Variants in BPIFB4 observed in about 807,000 individuals in gnomAD.
BPIFB4 encodes BPI fold containing family B member 4.
In BPIFB4, 62 loss-of-function variants were observed where a neutral mutation model predicts 69.2. The ratio of observed to expected loss-of-function variants is 0.90; its 90% CI spans 0.73 to 1.11. The LOEUF (loss-of-function observed/expected upper bound fraction) is 1.11. Ranked by LOEUF, BPIFB4 falls within the 50% of genes least tolerant of loss-of-function variation. The probability of loss-of-function intolerance (pLI) is 0.00; values close to 1 mark genes in which losing one functional copy is unlikely to be tolerated. For synonymous variants in BPIFB4, 330 were observed against 332.7 expected (o/e 0.99, Z 0.09); for missense variants, 789 against 792.0 (o/e 1.00, Z 0.04).
At chr20:33,088,773 A>C (rs1370141313) in intron 7 of BPIFB4, among the ~76,000 whole-genome samples, 193 bp from the exon 8 acceptor site, 1 of 152,238 alleles carries the variant, frequency 6.6e-6, no homozygotes, top group African/African-American at 2.4e-5. Flanking sequence ...ATGAAAAGCC[A>C]AACAATTTGC....
chr20:33,093,908 A>G (rs1479443099), intron 11 of BPIFB4, among the ~76,000 whole-genome samples: 2 of 152,090 alleles, frequency 1.3e-5, no homozygotes, highest in Admixed American at 6.6e-5. Context: ...CCACTCACCC[A>G]TTATCAATCT....
chr20:33,099,982 A>C (rs920709951), intron 13 of BPIFB4, among the ~76,000 whole-genome samples: 1 of 152,134 alleles, frequency 6.6e-6, no homozygotes, highest in Non-Finnish European at 1.5e-5. Flanking sequence ...GGGATGGGAC[A>C]GTTATGATTG....
chr20:33,086,262 G>A (rs758819681), intron 7 of BPIFB4, 98 bp downstream of exon 7: 20 of 1,460,872 alleles, frequency 1.4e-5, no homozygotes, highest in South Asian at 2.5e-5. Flanking sequence ...AGGCTCTGGG[G>A]TGGGCAGGAC....
At position 33,104,886 on chromosome 20, in the gene BPIFB4, G is replaced by A; in HGVS notation, c.1744+13G>A. ...CCCGCAATGAACGGTGAGAGCGGGT[G>A]CCTGTGCCTCTCTGGGAGCTTGTGG... On this transcript the variant is annotated intron_variant, in intron 16 of 17. Coordinates refer to ENST00000375483, the MANE Select transcript of BPIFB4 (RefSeq NM_182519.3). 5 of 1,613,640 alleles carry A rather than the reference G, an allele frequency of 3.1e-6. No homozygotes were observed. The highest frequency in any genetic ancestry group is 3.4e-6 in the Non-Finnish European group (4 of 1,179,610).
chr20:33,091,625 A>T (rs897279401), intron 10 of BPIFB4, among the ~76,000 whole-genome samples: 1 of 152,268 alleles, frequency 6.6e-6, no homozygotes, highest in African/African-American at 2.4e-5. Flanking sequence ...CACCTAATAT[A>T]TTCATAAACA....
chr20:33,086,802 C>T (rs980183799), intron 7 of BPIFB4, among the ~76,000 whole-genome samples: 2 of 152,178 alleles, frequency 1.3e-5, no homozygotes, highest in East Asian at 1.9e-4. Context: ...CATCCTCTGG[C>T]GAAGTGGTGT....
Position 33,081,529 on chromosome 20 carries a change from GTGGATGGCC to G in BPIFB4, c.7_15del (p.Met3_Trp5del). On this transcript the variant is annotated inframe_deletion, in exon 3 of 18. Transcript: ENST00000375483. ...CTCCACAGGGAAGCAGTGCCAGCAT[GTGGATGGCC>G]TGGTGTGTGGCTGCGCTGTCTGTGG... The G allele has an allele frequency of 6.4e-7, 1 of 1,551,702 alleles. No homozygotes were observed. Among genetic ancestry groups the G allele is most frequent in the Non-Finnish European group, 8.7e-7 (1 of 1,147,008 alleles).
chr20:33,083,337 A>G, intron 4 of BPIFB4, 30 bp from the exon 5 acceptor site: 1 of 1,596,170 alleles, frequency 6.3e-7, no homozygotes, highest in Non-Finnish European at 8.6e-7. Context: ...CACCATTACA[A>G]TGACTACAGA....
At chr20:33,102,881 T>C (rs1404971995) in intron 14 of BPIFB4, 91 bp from the exon 15 acceptor site, 3 of 1,279,318 alleles carry the variant, frequency 2.3e-6, no homozygotes, top group Non-Finnish European at 2.3e-6. Context: ...GTGAGGATAG[T>C]GGAGGGGCTT....
intron 7 of BPIFB4, 114 bp from the exon 8 acceptor site, chr20:33,088,852 G>A: frequency 1.3e-6 from 2 of 1,545,092 alleles, no homozygotes; most frequent in Admixed American, 1.8e-5. Context: ...CAGTTTTCCA[G>A]CACTCAGAGG....
At position 33,081,462 on chromosome 20, in the gene BPIFB4, C is replaced by T. The variant is rs200039664; in HGVS notation, c.-15-50C>T. 4,624 of 1,541,174 alleles carry T rather than the reference C, an allele frequency of 3.0e-3. 113 individuals are homozygous for T. The African/African-American group carries it at 0.056, about 19-fold the overall frequency. On this transcript the variant is annotated intron_variant, in intron 2 of 17. Transcript: ENST00000375483. ...GGGCTGCCTAGTGCTACCTGCTGGC[C>T]AGGGTGGTGGCGCCCAGCCACATCT...
At position 33,086,021 on chromosome 20, in the gene BPIFB4, T is replaced by A; in HGVS notation, c.783T>A (p.Ser261Arg). The A allele has an allele frequency of 6.2e-7, 1 of 1,606,364 alleles. No individual in the cohort carries two copies. Among genetic ancestry groups the A allele is most frequent in the Non-Finnish European group, 8.5e-7 (1 of 1,173,748 alleles). The change falls in exon 7 of 18, where the codon AGT becomes AGA. Residue 261 changes from serine to arginine, a missense_variant and splice_region_variant. By Grantham distance (110) the Ser-to-Arg change is moderately radical (BLOSUM62 -1). This residue lies in a region of BPIFB4 where 611 missense variants were observed against 575.4 expected (regional missense o/e 1.06). Coordinates refer to ENST00000375483, the MANE Select transcript of BPIFB4 (RefSeq NM_182519.3). ...TCCCTGGCCCCTTGGCCTCCTCCAG[T>A]CTTATTGGCTTCCTGGACATCGCAG... ...LYTRVAINGK[S>R]LIGFLDIAVE... is the part of the protein sequence containing the mutation.
intron 4 of BPIFB4, 89 bp from the exon 5 acceptor site, chr20:33,083,277 GA>G (rs1981296768): frequency 2.4e-6 from 3 of 1,276,192 alleles, no homozygotes; most frequent in Non-Finnish European, 3.2e-6. Context: ...GGTGGCAGTA[GA>G]GGGGGGCTGC....
chr20:33,111,542 G>A lies in BPIFB4; in HGVS notation c.*105G>A. The A allele has an allele frequency of 2.1e-6, 3 of 1,424,228 alleles. No individual in the cohort carries two copies. The East Asian group carries it at 7.1e-5, about 34-fold the overall frequency. 88.2% of individuals were successfully genotyped at this position (1,424,228 alleles called of 1,614,324 possible). On this transcript the variant is annotated 3_prime_UTR_variant, in exon 18 of 18. Transcript: ENST00000375483. ...TGCCCAGAGTCCCCTCAGCCTCCAT[G>A]ACAGGTCCCTCCCTGGCCCCCCAAC...
Position 33,108,917 on chromosome 20 carries a change from C to T in BPIFB4, c.1821+1097C>T, listed in dbSNP as rs553481313. Reference sequence around the variant, plus strand: ...GCCTTTGTGCCAGATTGACAATTTCCTTGCCGAAGGAAATTGCCCCCTCAC... The same window carrying T: ...GCCTTTGTGCCAGATTGACAATTTCTTTGCCGAAGGAAATTGCCCCCTCAC... On this transcript the variant is annotated intron_variant, in intron 17 of 17. Coordinates refer to ENST00000375483, the MANE Select transcript of BPIFB4 (RefSeq NM_182519.3). Among the ~76,000 whole-genome samples the T allele has an allele frequency of 2.6e-5, 4 of 152,260 alleles. No individual in the cohort carries two copies. In the South Asian group the frequency reaches 8.3e-4, roughly 32 times the overall value.
chr20:33,102,943 T>C (rs748187088), intron 14 of BPIFB4, 29 bp from the exon 15 acceptor site: 1 of 1,612,532 alleles, frequency 6.2e-7, no homozygotes. Flanking sequence ...CAATCCCTGC[T>C]TCTCACAGGC....
Position 33,089,540 on chromosome 20 carries a change from C to G in BPIFB4, c.1033C>G (p.Gln345Glu). 2 of 1,614,224 alleles carry G rather than the reference C, an allele frequency of 1.2e-6. No homozygotes were observed. The highest frequency in any genetic ancestry group is 1.7e-6 in the Non-Finnish European group (2 of 1,180,034). The stretch of plus-strand genomic sequence containing the variant: ...TGTGGTGCTGGGTCTTGTCAATGAC[C>G]AGCTGGGCCTCGTGGATTGTAAGTC... Reference protein sequence around the residue: ...VDVVLGLVNDQLGLVDSLIPL... With the variant: ...VDVVLGLVNDELGLVDSLIPL... Residue 345 changes from glutamine to glutamate, a missense_variant, in exon 9 of 18, where the codon CAG becomes GAG. Gln to Glu is a conservative substitution (Grantham distance 29). Coordinates refer to ENST00000375483, the MANE Select transcript of BPIFB4 (RefSeq NM_182519.3).
At chr20:33,102,887 G>C in intron 14 of BPIFB4, 85 bp from the exon 15 acceptor site, 1 of 1,331,306 alleles carries the variant, frequency 7.5e-7, no homozygotes. Context: ...ATAGTGGAGG[G>C]GCTTCTCACA....
At position 33,097,309 on chromosome 20, in the gene BPIFB4, A is replaced by T. The variant is rs140358993; in HGVS notation, c.1399-308A>T. On this transcript the variant is annotated intron_variant, in intron 12 of 17. Coordinates refer to ENST00000375483, the MANE Select transcript of BPIFB4 (RefSeq NM_182519.3). ...ATGAAATTAAGACTGTCCATTCAGC[A>T]CCTGGCCAGCATCTCTGGGAGACCC... 1.0e-3 allele frequency among the ~76,000 whole-genome samples: 157 copies of T among 152,300 alleles called. 1 individual carries two copies. The East Asian group carries it at 0.029, about 28-fold the overall frequency.
Sources: gnomAD v4.1 joint callset for allele counts (sites outside exome capture counted in the v4.1 genomes callset) on GRCh38, gnomAD v4.1.1 for gene constraint, gnomAD v4.1.1 regional missense constraint, MANE v1.5 for transcripts, NCBI Gene and HGNC (gene_info 2026-07-23, HGNC 2026-07-21) for gene names.